The following STAB1 variants were observed in gnomAD, a reference collection of about 807,000 sequenced individuals.
The protein encoded by STAB1 is stabilin 1, also known as stabilin-1.
Under a neutral mutation model 332.4 loss-of-function variants are expected in STAB1, and 250 were observed. The ratio of observed to expected loss-of-function variants is 0.75; its 90% CI spans 0.68 to 0.84. The LOEUF (loss-of-function observed/expected upper bound fraction) is 0.84, where lower values mean the gene tolerates loss of function less well. Among genes scored for constraint, STAB1 ranks in the 40% least tolerant of loss-of-function variants. STAB1 has a pLI of 0.00. For missense variants in STAB1, 3,249 were observed against 3,489.7 expected (o/e 0.93, Z 1.74); for synonymous variants, 1,475 against 1,390.4 (o/e 1.06, Z -1.35).
At chr3:52,506,545 G>C (rs993744138) in intron 17 of STAB1, 147 bp from the exon 18 acceptor site, 10 of 902,288 alleles carry the variant, frequency 1.1e-5, no homozygotes, top group Non-Finnish European at 1.6e-5. Flanking sequence ...AGAGCTGAAG[G>C]AGAGGTGGCT....
Position 52,520,048 on chromosome 3 carries a change from C to T in STAB1, c.5340C>T (p.Ala1780=). ...GAGCTCTGCCTCCGGATCGCCAGGC[C>T]TGGCTGTACCATGAGGACCACCGTG... ...AFRALPPDRQ[A]WLYHEDHRDK... Residue 1780 remains alanine (A), a synonymous_variant, in exon 51 of 69, where the codon GCC becomes GCT. Transcript: ENST00000321725. 6.2e-7 allele frequency: 1 copy of T among 1,612,730 alleles called. No homozygotes were observed. Among genetic ancestry groups the T allele is most frequent in the Non-Finnish European group, 8.5e-7 (1 of 1,179,914 alleles).
chr3:52,504,834 G>A lies in STAB1; in HGVS notation c.1335G>A (p.Thr445=), dbSNP rs747470573. The part of the protein sequence containing the change: ...TRTQQTRRWW[T]LAGQEITVTF... ...CCCAACAAACACGAAGGTGGTGGAC[G>A]CTGGCCGGGCAGGAGATCACCGTCA... Residue 445 remains threonine, a synonymous_variant, in exon 12 of 69, where the codon ACG becomes ACA. Coordinates refer to ENST00000321725, the MANE Select transcript of STAB1 (RefSeq NM_015136.3). 15 of 1,613,818 alleles carry A rather than the reference G, an allele frequency of 9.3e-6. No individual in the cohort carries two copies. In the East Asian group the frequency reaches 1.8e-4, roughly 19 times the overall value.
Position 52,501,641 on chromosome 3 carries a change from C to T in STAB1, c.219C>T (p.Tyr73=), listed in dbSNP as rs1355948153. The T allele has an allele frequency of 3.2e-6, 5 of 1,558,186 alleles. No individual in the cohort carries two copies. Among genetic ancestry groups the T allele is most frequent in the East Asian group, 2.4e-5 (1 of 41,380 alleles). Residue 73 remains tyrosine (Y), a synonymous_variant, in exon 3 of 69, where the codon TAC becomes TAT. Transcript: ENST00000321725. ...LPDQITQDCR[Y]EVQLGGSMVS... ...CCTGCCCACCCTCTGCCCCCAGCTACGAAGTACAGCTGGGGGGCTCTATGG... is the reference window on the plus strand; with the variant it reads ...CCTGCCCACCCTCTGCCCCCAGCTATGAAGTACAGCTGGGGGGCTCTATGG...
intron 42 of STAB1, 52 bp from the exon 43 acceptor site, chr3:52,517,249 TGAAGGTACAAAGGACAGAG>T: frequency 3.4e-6 from 5 of 1,477,454 alleles, no homozygotes; most frequent in Non-Finnish European, 3.6e-6. Flanking sequence ...GTGGGACAGA[TGAAGGTACAAAGGACAGAG>T]GAAGGGGGGG....
intron 43 of STAB1, 47 bp downstream of exon 43, chr3:52,517,440 A>G (rs746180000): frequency 5.1e-6 from 8 of 1,564,370 alleles, no homozygotes; most frequent in Non-Finnish European, 6.9e-6. Context: ...ATGCCCTCAC[A>G]GGATGGGGCC....
At chr3:52,512,518 A>T in intron 27 of STAB1, 78 bp from the exon 28 acceptor site, 1 of 1,612,220 alleles carries the variant, frequency 6.2e-7, no homozygotes. Context: ...GGAAAGGGGC[A>T]CTGCTCAGGA....
In STAB1 at chr3:52,504,052, G is replaced by A. The variant is rs1311316853; in HGVS notation, c.1047G>A (p.Val349=). Residue 349 remains valine, a synonymous_variant, in exon 10 of 69, where the codon GTG becomes GTA. Coordinates refer to ENST00000321725, the MANE Select transcript of STAB1 (RefSeq NM_015136.3). ...GCTGTGTGTGCAGGGAAAGCGAGGT[G>A]GGGGATGGGCGTGCCTGCTACGGAC... is the stretch of plus-strand genomic sequence containing the variant. ...KTSCVCRESE[V]GDGRACYGHL... 6.3e-7 allele frequency: 1 copy of A among 1,593,984 alleles called. No homozygotes were observed. Among genetic ancestry groups the A allele is most frequent in the Non-Finnish European group, 8.5e-7 (1 of 1,170,438 alleles).
rs377262427 is a variant in STAB1, at chr3:52,516,435, C to T, written c.4224C>T (p.Gly1408=). ...GSCVCNVGWQ[G]LRCDQKITSP... is the part of the protein sequence containing the mutation. ...GTGTCTGTAACGTGGGCTGGCAGGG[C>T]CTCCGCTGTGACCAGAGTGAGTGGG... Residue 1408 remains glycine (G), a synonymous_variant, in exon 39 of 69, where the codon GGC becomes GGT. Transcript: ENST00000321725. 1.1e-4 allele frequency: 174 copies of T among 1,612,720 alleles called. No homozygotes were observed. Among genetic ancestry groups the T allele is most frequent in the Non-Finnish European group, 1.4e-4 (166 of 1,179,406 alleles).
At position 52,521,401 on chromosome 3, in the gene STAB1, C is replaced by T. The variant is rs751912276; in HGVS notation, c.5949C>T (p.Gly1983=). 2.5e-6 allele frequency: 4 copies of T among 1,613,828 alleles called. No homozygotes were observed. In the African/African-American group the frequency reaches 4.0e-5, roughly 16 times the overall value. Residue 1983 remains glycine (G), a synonymous_variant, in exon 56 of 69, where the codon GGC becomes GGT. Transcript: ENST00000321725. Reference sequence around the variant, plus strand: ...CCAGCAGCCCTTGTAGTGACCGTGGCGTGTGCATGGACGGCATGAGTGGCA... The same window carrying T: ...CCAGCAGCCCTTGTAGTGACCGTGGTGTGTGCATGGACGGCATGAGTGGCA... The part of the protein sequence containing the change: ...GGPSSPCSDR[G]VCMDGMSGSG...
chr3:52,504,797 A>G lies in STAB1; in HGVS notation c.1298A>G (p.Glu433Gly). The G allele has an allele frequency of 6.2e-7, 1 of 1,613,902 alleles. No homozygotes were observed. The highest frequency in any genetic ancestry group is 8.5e-7 in the Non-Finnish European group (1 of 1,180,022). ...ATCATCGCAGGGCAGCACATCCTGGAGGACACAAGGACCCAACAAACACGA... is the reference window on the plus strand; with the variant it reads ...ATCATCGCAGGGCAGCACATCCTGGGGGACACAAGGACCCAACAAACACGA... ...QHIIAGQHIL[E>G]DTRTQQTRRW... Residue 433 changes from glutamate to glycine, a missense_variant, in exon 12 of 69, where the codon GAG becomes GGG. By Grantham distance (98) the Glu-to-Gly change is moderately conservative (BLOSUM62 -2). Transcript: ENST00000321725.
chr3:52,524,481 G>A lies in STAB1; in HGVS notation c.*125G>A. 1 of 1,612,836 alleles carries A rather than the reference G, an allele frequency of 6.2e-7. No individual in the cohort carries two copies. Among genetic ancestry groups the A allele is most frequent in the African/African-American group, 1.3e-5 (1 of 75,050 alleles). On this transcript the variant is annotated 3_prime_UTR_variant, in exon 69 of 69. Transcript: ENST00000321725. Reference sequence around the variant, plus strand: ...CAATAAAGGTGCCCTCAGCGGATGTGGGCCATGTCACCAAGGAAGGGGGTC... The same window carrying A: ...CAATAAAGGTGCCCTCAGCGGATGTAGGCCATGTCACCAAGGAAGGGGGTC...
rs751302233 is a variant in STAB1, at chr3:52,520,016, G to A, written c.5308G>A (p.Ala1770Thr). The change falls in exon 51 of 69, where the codon GCC (alanine) becomes ACC (threonine). Residue 1770 changes from alanine to threonine, a missense_variant. Transcript: ENST00000321725. ...CACAATGCTGTGGCCCACAGACGCC[G>A]CCTTTCGAGCTCTGCCTCCGGATCG... ...PFTMLWPTDA[A>T]FRALPPDRQA... 4.3e-6 allele frequency: 7 copies of A among 1,612,236 alleles called. No individual in the cohort carries two copies. Among genetic ancestry groups the A allele is most frequent in the Middle Eastern group, 1.6e-4 (1 of 6,082 alleles).
At chr3:52,512,524 C>T in intron 27 of STAB1, 72 bp from the exon 28 acceptor site, 2 of 1,612,824 alleles carry the variant, frequency 1.2e-6, no homozygotes, top group African/African-American at 1.3e-5. Context: ...GGGCACTGCT[C>T]AGGATCCATG....
At chr3:52,522,727 A>AG (rs2079116840) in intron 61 of STAB1, 39 bp downstream of exon 61, 1 of 1,612,430 alleles carries the variant, frequency 6.2e-7, no homozygotes, top group South Asian at 1.1e-5. Context: ...GTGTTGGGGG[A>AG]GGCCTTGACT....
intron 17 of STAB1, 70 bp from the exon 18 acceptor site, chr3:52,506,622 T>G (rs1708888900): frequency 2.0e-6 from 3 of 1,487,442 alleles, no homozygotes; most frequent in South Asian, 2.6e-5. Context: ...GCTGCAGGGG[T>G]GGAGGTGGGC....
At chr3:52,498,268 G>A (rs1452086974) in intron 1 of STAB1, among the ~76,000 whole-genome samples, 1 of 152,194 alleles carries the variant, frequency 6.6e-6, no homozygotes, top group African/African-American at 2.4e-5. Flanking sequence ...CGGGGGGTGT[G>A]GGGTTGGGGG....
intron 34 of STAB1, 41 bp from the exon 35 acceptor site, chr3:52,514,660 G>T: frequency 6.2e-7 from 1 of 1,612,244 alleles, no homozygotes; most frequent in Non-Finnish European, 8.5e-7. Context: ...GCCAGGTGAG[G>T]GTGGTAGGTG....
chr3:52,515,092 A>G, intron 36 of STAB1, 47 bp downstream of exon 36: 1 of 1,602,506 alleles, frequency 6.2e-7, no homozygotes, highest in East Asian at 2.3e-5. Context: ...GCCTGCCCTC[A>G]CTTCTTCCAA....
At chr3:52,512,198 A>C in intron 26 of STAB1, 143 bp from the exon 27 acceptor site, 1 of 787,534 alleles carries the variant, frequency 1.3e-6, no homozygotes, top group South Asian at 1.4e-5. Context: ...ACACCGAAGG[A>C]GTGCCACCAA....
Sources: gnomAD v4.1 joint callset for allele counts (sites outside exome capture counted in the v4.1 genomes callset) on GRCh38, gnomAD v4.1.1 for gene constraint, MANE v1.5 for transcripts, NCBI Gene and HGNC (gene_info 2026-07-23, HGNC 2026-07-21) for gene names.